ABCB9: variants seen among roughly 807,000 people sequenced by gnomAD.
The protein encoded by ABCB9 is ATP binding cassette subfamily B member 9, also known as ABC-type oligopeptide transporter ABCB9.
ABCB9 carries 36 observed loss-of-function variants against 62.0 expected under a neutral mutation model. The observed-to-expected ratio is 0.58, with a 90% CI of 0.45 to 0.77. The LOEUF (loss-of-function observed/expected upper bound fraction) is 0.77. Among genes scored for constraint, ABCB9 ranks in the 30% least tolerant of loss-of-function variants. ABCB9 has a pLI of 0.00. For synonymous variants in ABCB9, 435 were observed against 461.4 expected, an observed-to-expected ratio of 0.94 and a Z score of 0.73; for missense variants, 943 against 1,054.7, an observed-to-expected ratio of 0.89 and a Z score of 1.47.
At chr12:122,919,194 C>T (rs1566142136), downstream of ABCB9, among the ~76,000 whole-genome samples, 2 of 152,106 alleles carry the variant, frequency 1.3e-5, no homozygotes, top group African/African-American at 2.4e-5. Context: ...TTTTTAGAGA[C>T]GAGGTCTCAC....
intron 1 of ABCB9, among the ~76,000 whole-genome samples, chr12:122,961,174 A>G (rs1197110110): frequency 6.6e-6 from 1 of 151,834 alleles, no homozygotes; most frequent in African/African-American, 2.4e-5. Context: ...GGGAAGACAG[A>G]GATCAATTTT....
chr12:122,959,815 G>T lies in ABCB9; in HGVS notation c.421C>A (p.Arg141=). 2 of 1,612,578 alleles carry T rather than the reference G, an allele frequency of 1.2e-6. No individual in the cohort carries two copies. Among genetic ancestry groups the T allele is most frequent in the South Asian group, 1.1e-5 (1 of 91,062 alleles). The change falls in exon 2 of 12, where the codon CGG becomes AGG. Residue 141 remains arginine, a synonymous_variant. Coordinates refer to ENST00000280560, the MANE Select transcript of ABCB9 (RefSeq NM_019625.4). This position sits in a 1 kb window ranked among gnomAD's most constrained non-coding sequence, Gnocchi z 5.4. Reference sequence around the variant, plus strand: ...GGCTCCAGGGCCTGGGTGCCTGGCCGCACGGTGGACAGCAGCCACCAGAGC... The same window carrying T: ...GGCTCCAGGGCCTGGGTGCCTGGCCTCACGGTGGACAGCAGCCACCAGAGC... ...FLLWWLLSTV[R]PGTQALEPGA...
In ABCB9 at chr12:122,960,016, G is replaced by A; in HGVS notation, c.220C>T (p.Leu74=). 2 of 1,613,396 alleles carry A rather than the reference G, an allele frequency of 1.2e-6. No homozygotes were observed. Among genetic ancestry groups the A allele is most frequent in the Non-Finnish European group, 1.7e-6 (2 of 1,180,034 alleles). The change falls in exon 2 of 12, where the codon CTG becomes TTG. Residue 74 remains leucine, a synonymous_variant. Coordinates refer to ENST00000280560, the MANE Select transcript of ABCB9 (RefSeq NM_019625.4). ...GAGGCCCGCAGCCGCCGGGGCCCCA[G>A]CGCACTGTTCTTGGCCACACCAATG... ...ATIGVAKNSA[L]GPRRLRASWL...
At chr12:122,968,771 C>T (rs946294706), upstream of ABCB9, among the ~76,000 whole-genome samples, 2 of 151,784 alleles carry the variant, frequency 1.3e-5, no homozygotes, top group African/African-American at 2.4e-5. Context: ...TGTACCAACA[C>T]GCCCGGCTGA....
chr12:122,921,542 C>T (rs1457183369), intron 11 of ABCB9, among the ~76,000 whole-genome samples: 1 of 152,134 alleles, frequency 6.6e-6, no homozygotes, highest in Non-Finnish European at 1.5e-5. Context: ...TTTGGGAGAG[C>T]GAGGCAGGTG....
In ABCB9 at chr12:122,959,653, GGAA is replaced by G. The variant is rs754709276; in HGVS notation, c.580_582del (p.Phe194del). On this transcript the variant is annotated inframe_deletion, in exon 2 of 12. Transcript: ENST00000280560. This position sits in a 1 kb window ranked among gnomAD's most constrained non-coding sequence, Gnocchi z 5.4. ...TACTTACCCAGAGCTGCCACGATGA[GGAA>G]GAAGGAGGCGGCCACGAGGAAGGCC... 3.8e-6 allele frequency: 6 copies of G among 1,568,522 alleles called. No individual in the cohort carries two copies. The highest frequency in any genetic ancestry group is 1.2e-5 in the South Asian group (1 of 85,952).
intron 11 of ABCB9, among the ~76,000 whole-genome samples, chr12:122,923,337 G>C (rs1369683577): frequency 6.6e-6 from 1 of 152,150 alleles, no homozygotes; most frequent in African/African-American, 2.4e-5. Flanking sequence ...GCCCAGGCTG[G>C]AGTGCAGTGG....
chr12:122,967,769 G>A (rs77969165), upstream of ABCB9, among the ~76,000 whole-genome samples: 5 of 152,316 alleles, frequency 3.3e-5, no homozygotes, highest in East Asian at 1.9e-4. Context: ...GATTAGAGTC[G>A]TGAGCCATGT....
chr12:122,923,491 G>A (rs918833561), intron 11 of ABCB9, among the ~76,000 whole-genome samples: 9 of 152,144 alleles, frequency 5.9e-5, no homozygotes, highest in South Asian at 2.1e-4. Flanking sequence ...GGGTTTCACT[G>A]TGTTAGCCAG....
At chr12:122,921,030 C>T in exon 12 of ABCB9, 4 of 1,535,310 alleles carry the variant, frequency 2.6e-6, no homozygotes, top group Non-Finnish European at 3.5e-6. Context: ...TATCTGCAGG[C>T]TGGTCATTCA....
Position 122,944,710 on chromosome 12 carries a change from C to T in ABCB9, c.1252-191G>A. ...TTCCCCTGCCCCGAGCATTTCCCTA[C>T]AGAGGCCTCCAGCTGGAGCAGGCTG... On this transcript the variant is annotated intron_variant, in intron 6 of 11. Coordinates refer to ENST00000280560, the MANE Select transcript of ABCB9 (RefSeq NM_019625.4). This position sits in a 1 kb window ranked among gnomAD's most constrained non-coding sequence, Gnocchi z 4.9. The T allele has an allele frequency of 1.5e-6, 1 of 682,176 alleles. No individual in the cohort carries two copies. Among genetic ancestry groups the T allele is most frequent in the Non-Finnish European group, 2.3e-6 (1 of 429,948 alleles). The allele number at this position is 682,176 out of a possible 1,614,324, so 42.3% of individuals were successfully genotyped here.
chr12:122,928,250 A>G (rs58283587), downstream of ABCB9, among the ~76,000 whole-genome samples: 1,009 of 152,230 alleles, frequency 6.6e-3, 15 homozygotes, highest in African/African-American at 0.023. Context: ...TGGGCAGGCC[A>G]TCTGAGGTTA....
chr12:122,960,059 G>A lies in ABCB9; in HGVS notation c.177C>T (p.Cys59=). ...DLWAACLYRS[C]LLLGATIGVA... ...CACCAATGGTGGCTCCCAGCAGCAG[G>A]CAGCTGCGGTACAGGCAGGCTGCCC... Residue 59 remains cysteine (C), a synonymous_variant, in exon 2 of 12, where the codon TGC becomes TGT. Coordinates refer to ENST00000280560, the MANE Select transcript of ABCB9 (RefSeq NM_019625.4). 1 of 1,613,518 alleles carries A rather than the reference G, an allele frequency of 6.2e-7. No individual in the cohort carries two copies. The highest frequency in any genetic ancestry group is 8.5e-7 in the Non-Finnish European group (1 of 1,180,042).
chr12:122,946,468 C>T, intron 5 of ABCB9: 2 of 559,040 alleles, frequency 3.6e-6, no homozygotes, highest in Non-Finnish European at 3.2e-6. Context: ...AAGGATAGGG[C>T]ACGGTGCTGA....
chr12:122,940,165 C>T lies in ABCB9; in HGVS notation c.1689G>A (p.Val563=). 3.1e-6 allele frequency: 5 copies of T among 1,613,542 alleles called. No individual in the cohort carries two copies. The highest frequency in any genetic ancestry group is 4.2e-6 in the Non-Finnish European group (5 of 1,179,834). ...ENFYPLEGGR[V]LLDGKPISAY... is the part of the protein sequence containing the mutation. ...CGCTGATGGGCTTGCCGTCCAGCAG[C>T]ACCCGGCCCCCCTCCAGGGGGTAGA... The change falls in exon 9 of 12, where the codon GTG becomes GTA. Residue 563 remains valine (V), a synonymous_variant. Coordinates refer to ENST00000280560, the MANE Select transcript of ABCB9 (RefSeq NM_019625.4). The surrounding 1 kb of genome is among the most constrained non-coding windows in gnomAD (Gnocchi z 4.8).
chr12:122,927,510 A>G (rs150088371), downstream of ABCB9, among the ~76,000 whole-genome samples: 177 of 152,370 alleles, frequency 1.2e-3, 1 homozygote, highest in Admixed American at 3.6e-3. Flanking sequence ...CCTCCTAAAA[A>G]GAAGGTAATT....
chr12:122,958,964 G>T (rs897398219), intron 2 of ABCB9, among the ~76,000 whole-genome samples: 2 of 151,312 alleles, frequency 1.3e-5, no homozygotes, highest in Non-Finnish European at 2.9e-5. Context: ...TGAACTCCTG[G>T]GCTCAGGCAA....
chr12:122,934,598 G>A (rs1044326481), intron 10 of ABCB9, among the ~76,000 whole-genome samples: 4 of 146,020 alleles, frequency 2.7e-5, no homozygotes, highest in East Asian at 4.0e-4. Flanking sequence ...CCGTGATCAC[G>A]CCACTGCACT....
At chr12:122,945,929 C>A in intron 6 of ABCB9, 96 bp downstream of exon 6, 3 of 1,093,968 alleles carry the variant, frequency 2.7e-6, no homozygotes, top group Non-Finnish European at 4.0e-6. Flanking sequence ...ACCAGCTTGA[C>A]ACCAACATGC....
Sources: allele counts gnomAD v4.1 joint callset (sites outside exome capture counted in the v4.1 genomes callset), GRCh38; gene constraint gnomAD v4.1.1; non-coding constraint Gnocchi (gnomAD v3.1); transcripts MANE v1.5; gene names NCBI Gene and HGNC (gene_info 2026-07-23, HGNC 2026-07-21).